The following GATAD2A variants were observed in gnomAD, a reference collection of about 807,000 sequenced individuals.
GATAD2A encodes the protein GATA zinc finger domain containing 2A.
Under a neutral mutation model 68.5 loss-of-function variants are expected in GATAD2A, and 12 were observed. The ratio of observed to expected loss-of-function variants is 0.18; its 90% confidence interval spans 0.11 to 0.28. The LOEUF (loss-of-function observed/expected upper bound fraction) is 0.28, where lower values mean the gene tolerates loss of function less well. GATAD2A is among the 10% of genes least tolerant of loss of function. The pLI is 1.00. For synonymous variants in GATAD2A, 410 were observed against 375.3 expected (o/e 1.09, Z -1.07); for missense variants, 755 against 868.5 (o/e 0.87, Z 1.64).
chr19:19,498,305 G>A, intron 7 of GATAD2A, 138 bp from the exon 8 acceptor site: 1 of 722,592 alleles, frequency 1.4e-6, no homozygotes, highest in Non-Finnish European at 2.2e-6. Context: ...TATCATGGCT[G>A]GGTTCACTTT....
At chr19:19,398,688 A>C (rs2049457060) in intron 1 of GATAD2A, among the ~76,000 whole-genome samples, 1 of 151,930 alleles carries the variant, frequency 6.6e-6, no homozygotes, top group African/African-American at 2.4e-5. Flanking sequence ...CTGTAATCCC[A>C]ACATTTTGGG....
At chr19:19,459,390 G>A (rs1176763056) in intron 1 of GATAD2A, among the ~76,000 whole-genome samples, 1 of 144,458 alleles carries the variant, frequency 6.9e-6, no homozygotes, top group African/African-American at 2.6e-5. Flanking sequence ...TTTAAACCAT[G>A]TAAATGGTAC....
intron 1 of GATAD2A, chr19:19,458,448 C>T (rs545174605): frequency 2.2e-4 from 34 of 152,314 alleles, no homozygotes; most frequent in African/African-American, 8.2e-4. Context: ...TTTACAGAAA[C>T]GTAGGCGTAA....
chr19:19,501,469 C>G (rs28434154), intron 9 of GATAD2A, 53 bp downstream of exon 9: 33 of 1,376,156 alleles, frequency 2.4e-5, no homozygotes, highest in Admixed American at 2.1e-4. Context: ...GAGGCCGTTC[C>G]GCGATCCACC....
chr19:19,463,522 G>A (rs953243198), intron 1 of GATAD2A, among the ~76,000 whole-genome samples: 63 of 152,278 alleles, frequency 4.1e-4, no homozygotes, highest in African/African-American at 1.5e-3. Flanking sequence ...GGGCGGGGGT[G>A]GACAGGGTGG....
intron 1 of GATAD2A, among the ~76,000 whole-genome samples, chr19:19,432,498 G>A (rs1568279667): frequency 1.3e-5 from 2 of 151,962 alleles, no homozygotes; most frequent in South Asian, 2.1e-4. Context: ...ACGAGGTTTC[G>A]CCATGTTGGC....
chr19:19,474,244 C>A, intron 2 of GATAD2A: 2 of 756,226 alleles, frequency 2.6e-6, no homozygotes, highest in Non-Finnish European at 3.2e-6. Flanking sequence ...GAATTGCCCC[C>A]AACCCCGACA....
intron 1 of GATAD2A, among the ~76,000 whole-genome samples, chr19:19,461,183 T>C (rs2057399920): frequency 6.6e-6 from 1 of 152,212 alleles, no homozygotes; most frequent in South Asian, 2.1e-4. Context: ...CCGCCAGTGC[T>C]TTAACCCACT....
intron 2 of GATAD2A, chr19:19,472,469 G>T (rs2058382255): frequency 6.6e-6 from 1 of 152,094 alleles, no homozygotes; most frequent in African/African-American, 2.4e-5. Flanking sequence ...GAGTAGCTGG[G>T]ATTACAGGTA....
At chr19:19,442,889 G>A (rs1157171437) in intron 1 of GATAD2A, among the ~76,000 whole-genome samples, 1 of 152,076 alleles carries the variant, frequency 6.6e-6, no homozygotes, top group African/African-American at 2.4e-5. Context: ...ATGGGTAGAG[G>A]GAAAGCAACA....
At chr19:19,433,020 G>C (rs1310004705) in intron 1 of GATAD2A, among the ~76,000 whole-genome samples, 4 of 152,230 alleles carry the variant, frequency 2.6e-5, no homozygotes, top group Non-Finnish European at 4.4e-5. Flanking sequence ...GGTGGGTGGA[G>C]TCTGCCCAAG....
At chr19:19,448,511 C>T (rs911078114) in intron 1 of GATAD2A, among the ~76,000 whole-genome samples, 2 of 152,170 alleles carry the variant, frequency 1.3e-5, no homozygotes, top group Non-Finnish European at 1.5e-5. Flanking sequence ...GTTTTTGAGA[C>T]GGAGTCTCTC....
intron 2 of GATAD2A, among the ~76,000 whole-genome samples, chr19:19,486,099 G>A (rs1388097214): frequency 6.6e-6 from 1 of 152,222 alleles, no homozygotes; most frequent in Non-Finnish European, 1.5e-5. Context: ...CCCCAGCCTT[G>A]CCAGGCCCCC....
intron 1 of GATAD2A, among the ~76,000 whole-genome samples, chr19:19,408,518 C>T (rs190201752): frequency 1.3e-5 from 2 of 151,904 alleles, no homozygotes; most frequent in African/African-American, 2.4e-5. Context: ...TTTAGTGTCT[C>T]TGTATTTTGC....
intron 2 of GATAD2A, chr19:19,474,116 A>G (rs1389643355): frequency 1.0e-6 from 1 of 985,206 alleles, no homozygotes; most frequent in Admixed American, 6.1e-5. Flanking sequence ...AGCTGGAAAA[A>G]AGGTGTGCAT....
chr19:19,416,012 C>G (rs2051587818), intron 1 of GATAD2A, among the ~76,000 whole-genome samples: 1 of 152,042 alleles, frequency 6.6e-6, no homozygotes, highest in Non-Finnish European at 1.5e-5. Flanking sequence ...GGCTAGAGTG[C>G]AGAGGCTCAT....
intron 1 of GATAD2A, among the ~76,000 whole-genome samples, chr19:19,386,730 C>G (rs992453952): frequency 1.3e-5 from 2 of 152,084 alleles, no homozygotes; most frequent in African/African-American, 4.8e-5. Flanking sequence ...GGGACAACCC[C>G]TCTTATCAGG....
At chr19:19,426,521 A>T (rs934664404) in intron 1 of GATAD2A, among the ~76,000 whole-genome samples, 3 of 151,670 alleles carry the variant, frequency 2.0e-5, no homozygotes, top group Non-Finnish European at 4.4e-5. Flanking sequence ...TTTAATTTTT[A>T]TTTTTTTGAG....
chr19:19,501,565 G>A, intron 9 of GATAD2A, 149 bp downstream of exon 9: 1 of 668,290 alleles, frequency 1.5e-6, no homozygotes, highest in Non-Finnish European at 2.5e-6. Flanking sequence ...ACACTAATTT[G>A]CAGTTTCTTT....
Sources: gnomAD v4.1 joint callset for allele counts (sites outside exome capture counted in the v4.1 genomes callset) on GRCh38, gnomAD v4.1.1 for gene constraint, MANE v1.5 for transcripts, NCBI Gene and HGNC (gene_info 2026-07-23, HGNC 2026-07-21) for gene names.